Variants in FAM120A observed in about 807,000 individuals in gnomAD.
FAM120A encodes family with sequence similarity 120 member A.
Under a neutral mutation model 109.7 loss-of-function variants are expected in FAM120A, and 15 were observed. The observed-to-expected ratio is 0.14, with a 90% confidence interval of 0.09 to 0.21. FAM120A has a LOEUF of 0.21. Ranked by LOEUF, FAM120A falls within the 10% of genes least tolerant of loss-of-function variation. FAM120A has a pLI of 1.00. For missense variants in FAM120A, 899 were observed against 1,439.3 expected, an observed-to-expected ratio of 0.62 and a Z score of 6.07; for synonymous variants, 493 against 572.8, an observed-to-expected ratio of 0.86 and a Z score of 1.99.
In FAM120A at chr9:93,558,020, T is replaced by C. The variant is rs749267714; in HGVS notation, c.2668+10T>C. 3 of 1,579,718 alleles carry C rather than the reference T, an allele frequency of 1.9e-6. No homozygotes were observed. The highest frequency in any genetic ancestry group is 2.6e-6 in the Non-Finnish European group (3 of 1,170,096). On this transcript the variant is annotated intron_variant, in intron 14 of 17. Coordinates refer to ENST00000277165, the MANE Select transcript of FAM120A (RefSeq NM_014612.5). ...GGCAGAGGCTTTGCAGGTGAGTTGA[T>C]TGGGACGTATTCCTGTGGGTAACAG...
chr9:93,452,710 C>T lies in FAM120A; in HGVS notation c.474+321C>T, dbSNP rs143975148. The T allele has an allele frequency of 2.5e-6, 4 of 1,598,548 alleles. No homozygotes were observed. Among genetic ancestry groups the T allele is most frequent in the Non-Finnish European group, 3.4e-6 (4 of 1,179,870 alleles). ...CCCCAATATCCTTAGTTTTTCCCAT[C>T]CTATTTGAGGCGGGCAGGCTATCAC... On this transcript the variant is annotated intron_variant, in intron 1 of 17. Coordinates refer to ENST00000277165, the MANE Select transcript of FAM120A (RefSeq NM_014612.5). This position sits in a 1 kb window ranked among gnomAD's most constrained non-coding sequence, Gnocchi z 7.0.
intron 7 of FAM120A, among the ~76,000 whole-genome samples, chr9:93,516,775 G>C (rs899039321): frequency 6.6e-6 from 1 of 150,982 alleles, no homozygotes; most frequent in Non-Finnish European, 1.5e-5. Flanking sequence ...GGCTGGAATT[G>C]TTTCCTTAGA....
intron 15 of FAM120A, 51 bp downstream of exon 15, chr9:93,558,769 G>A (rs764193857): frequency 2.3e-5 from 36 of 1,598,326 alleles, no homozygotes; most frequent in African/African-American, 5.4e-5. Flanking sequence ...CACTTCCTTC[G>A]CTCCATCGTC....
At chr9:93,560,629 G>T (rs934534234) in intron 15 of FAM120A, among the ~76,000 whole-genome samples, 26 of 152,202 alleles carry the variant, frequency 1.7e-4, no homozygotes, top group African/African-American at 5.8e-4. Context: ...ACAATTTGCA[G>T]TAATCAAAAG....
chr9:93,477,797 G>C (rs1858611803), intron 3 of FAM120A, among the ~76,000 whole-genome samples: 2 of 152,206 alleles, frequency 1.3e-5, no homozygotes. Flanking sequence ...GAAGTGAAGA[G>C]CTGTTTGAAG....
intron 10 of FAM120A, among the ~76,000 whole-genome samples, chr9:93,540,388 C>T (rs1358040934): frequency 6.6e-6 from 1 of 152,224 alleles, no homozygotes; most frequent in East Asian, 1.9e-4. Context: ...CTGAATTGGA[C>T]TTGCTGTTCT....
chr9:93,550,827 A>G (rs1206034593), intron 12 of FAM120A, 136 bp downstream of exon 12: 1 of 618,062 alleles, frequency 1.6e-6, no homozygotes, highest in Non-Finnish European at 2.9e-6. Flanking sequence ...TAATACTAAT[A>G]TGATAAGAAC....
intron 1 of FAM120A, among the ~76,000 whole-genome samples, chr9:93,463,519 C>G (rs1857885249): frequency 6.6e-6 from 1 of 152,134 alleles, no homozygotes; most frequent in East Asian, 1.9e-4. Context: ...TTGGAGTTGA[C>G]TTTTTTTAAT....
chr9:93,532,178 T>C lies in FAM120A; in HGVS notation c.1758T>C (p.Ser586=), dbSNP rs1254743884. 1 of 1,614,024 alleles carries C rather than the reference T, an allele frequency of 6.2e-7. No individual in the cohort carries two copies. The highest frequency in any genetic ancestry group is 8.5e-7 in the Non-Finnish European group (1 of 1,179,982). Residue 586 remains serine (S), a synonymous_variant, in exon 10 of 18, where the codon TCT becomes TCC. Transcript: ENST00000277165. The surrounding 1 kb of genome is among the most constrained non-coding windows in gnomAD (Gnocchi z 4.3). ...LTKGEIKIAV[S]IEDEANKDLP... is the part of the protein sequence containing the mutation. ...AGGGTGAAATCAAAATTGCTGTTTC[T>C]ATTGAAGATGAAGCCAACAAGGACC...
At chr9:93,469,158 G>A (rs765942585) in intron 1 of FAM120A, among the ~76,000 whole-genome samples, 11 of 152,214 alleles carry the variant, frequency 7.2e-5, no homozygotes, top group South Asian at 2.1e-4. Context: ...TGCTTCCACC[G>A]TGGGCCAGCA....
intron 1 of FAM120A, among the ~76,000 whole-genome samples, chr9:93,466,099 T>G (rs911470713): frequency 2.0e-5 from 3 of 152,150 alleles, no homozygotes; most frequent in African/African-American, 7.2e-5. Context: ...TGTGGGTGTT[T>G]GCTCTGCAGT....
chr9:93,500,207 A>G lies in FAM120A; in HGVS notation c.1030+1321A>G, dbSNP rs1363992545. 6.6e-6 allele frequency among the ~76,000 whole-genome samples: 1 copy of G among 152,262 alleles called. No individual in the cohort carries two copies. The highest frequency in any genetic ancestry group is 1.5e-5 in the Non-Finnish European group (1 of 68,034). On this transcript the variant is annotated intron_variant, in intron 5 of 17. Transcript: ENST00000277165. The surrounding 1 kb of genome is among the most constrained non-coding windows in gnomAD (Gnocchi z 4.6). ...GTTGGACTGTGCTACTCCCATGCTC[A>G]GAATTCCCCATTGGCTTCCCGTCAC... is the stretch of plus-strand genomic sequence containing the variant.
intron 3 of FAM120A, among the ~76,000 whole-genome samples, chr9:93,477,304 C>G (rs954223173): frequency 3.3e-5 from 5 of 152,164 alleles, no homozygotes; most frequent in African/African-American, 1.2e-4. Flanking sequence ...TTCCTTTCCT[C>G]CTTTCATTTT....
chr9:93,538,887 T>G (rs1452562773), intron 10 of FAM120A, among the ~76,000 whole-genome samples: 5 of 152,190 alleles, frequency 3.3e-5, no homozygotes, highest in Non-Finnish European at 7.3e-5. Flanking sequence ...GTTTTTTTAC[T>G]GACAGCTTAA....
rs186881237 is a variant in FAM120A, at chr9:93,558,190, G to A, written c.2668+180G>A. On this transcript the variant is annotated intron_variant, in intron 14 of 17. Transcript: ENST00000277165. The stretch of plus-strand genomic sequence containing the variant: ...AGTTTAATCCTGGAGATAGGGGAGA[G>A]GGACCTGCTGATGCAGATGCAAAAG... Among the ~76,000 whole-genome samples the A allele has an allele frequency of 1.8e-3, 275 of 152,382 alleles. 4 individuals are homozygous for A. The highest frequency in any genetic ancestry group is 3.2e-4 in the Non-Finnish European group (22 of 68,036).
intron 14 of FAM120A, 46 bp downstream of exon 14, chr9:93,558,056 C>A: frequency 6.6e-7 from 1 of 1,506,108 alleles, no homozygotes; most frequent in Non-Finnish European, 8.8e-7. Context: ...ATGCCAGATT[C>A]CTGTAAAGAA....
intron 1 of FAM120A, among the ~76,000 whole-genome samples, chr9:93,454,586 C>G (rs575166216): frequency 8.5e-4 from 129 of 152,226 alleles, no homozygotes; most frequent in African/African-American, 2.9e-3. Flanking sequence ...GAGGCAGGAG[C>G]ACCATTAATA....
intron 11 of FAM120A, among the ~76,000 whole-genome samples, chr9:93,546,637 C>A (rs565953601): frequency 6.6e-6 from 1 of 152,286 alleles, no homozygotes; most frequent in African/African-American, 2.4e-5. Flanking sequence ...ATGCCTGGGG[C>A]CTGGCAGCGG....
At position 93,489,914 on chromosome 9, in the gene FAM120A, G is replaced by A. The variant is rs755154746; in HGVS notation, c.805-7557G>A. Among the ~76,000 whole-genome samples the A allele has an allele frequency of 1.6e-4, 25 of 152,200 alleles. 1 individual carries two copies. Among genetic ancestry groups the A allele is most frequent in the Admixed American group, 1.6e-3 (25 of 15,278 alleles). On this transcript the variant is annotated intron_variant, in intron 3 of 17. Transcript: ENST00000277165. The stretch of plus-strand genomic sequence containing the variant: ...GGGGCCAAGGACTGTGGTGGTGACA[G>A]TTTCTTGGGGACTACACTTTGAGCT...
Sources: allele counts gnomAD v4.1 joint callset (sites outside exome capture counted in the v4.1 genomes callset), GRCh38; gene constraint gnomAD v4.1.1; non-coding constraint Gnocchi (gnomAD v3.1); transcripts MANE v1.5; gene names NCBI Gene and HGNC (gene_info 2026-07-23, HGNC 2026-07-21).